The following INVS variants were observed in gnomAD, a reference collection of about 807,000 sequenced individuals.
INVS encodes inversin.
A neutral mutation model predicts 108.8 loss-of-function variants in INVS; 86 were observed. The observed-to-expected ratio is 0.79, with a 90% confidence interval of 0.66 to 0.95. INVS has a LOEUF of 0.95. Among genes scored for constraint, INVS ranks in the 40% least tolerant of loss-of-function variants. The pLI is 0.00. For missense variants in INVS, 1,169 were observed against 1,297.4 expected, an observed-to-expected ratio of 0.90 and a Z score of 1.52; for synonymous variants, 455 against 473.5, an observed-to-expected ratio of 0.96 and a Z score of 0.51.
At chr9:100,298,906 T>A (rs1178813366) in intron 16 of INVS, among the ~76,000 whole-genome samples, 1 of 152,216 alleles carries the variant, frequency 6.6e-6, no homozygotes, top group African/African-American at 2.4e-5. Flanking sequence ...CCTTTCATTA[T>A]ACCTGAGCAA....
At chr9:100,270,748 CAAAAAAAAA>C (rs746291227) in intron 11 of INVS, among the ~76,000 whole-genome samples, 21 of 47,210 alleles carry the variant, frequency 4.4e-4, no homozygotes, top group African/African-American at 1.6e-3. Flanking sequence ...AACTCCATCT[CAAAAAAAAA>C]AAAAAAAAAA....
intron 16 of INVS, among the ~76,000 whole-genome samples, chr9:100,299,600 ACCAC>A (rs1230411796): frequency 1.4e-5 from 2 of 142,176 alleles, no homozygotes; most frequent in Non-Finnish European, 3.1e-5. Context: ...AGCCTTGCAA[ACCAC>A]CCACCAAGAA....
chr9:100,232,011 T>G (rs946842273), intron 5 of INVS, among the ~76,000 whole-genome samples: 4 of 152,152 alleles, frequency 2.6e-5, no homozygotes, highest in African/African-American at 9.7e-5. Flanking sequence ...TTCTCCAGCA[T>G]CTGTTGTTTC....
At chr9:100,225,321 T>C (rs1319543893) in intron 3 of INVS, among the ~76,000 whole-genome samples, 3 of 150,012 alleles carry the variant, frequency 2.0e-5, no homozygotes, top group African/African-American at 7.6e-5. Flanking sequence ...GTGCTGGGGT[T>C]GCAGATGTGA....
At chr9:100,161,393 C>CAAAAA (rs1829182649) in intron 3 of INVS, among the ~76,000 whole-genome samples, 1 of 88,920 alleles carries the variant, frequency 1.1e-5, no homozygotes, top group African/African-American at 6.4e-5. Context: ...AAAAAAAAAA[C>CAAAAA]CTCATAAATT....
chr9:100,142,489 G>A (rs1473875918), intron 3 of INVS, among the ~76,000 whole-genome samples: 2 of 152,114 alleles, frequency 1.3e-5, no homozygotes, highest in African/African-American at 2.4e-5. Flanking sequence ...AGGAAATACG[G>A]GGAAATGGGG....
intron 10 of INVS, among the ~76,000 whole-genome samples, chr9:100,253,662 G>A (rs541271592): frequency 7.9e-5 from 12 of 152,202 alleles, no homozygotes; most frequent in African/African-American, 2.6e-4. Flanking sequence ...AGAACATGCG[G>A]TATTTGGTTT....
chr9:100,175,624 G>A lies in INVS; in HGVS notation c.273+49075G>A, dbSNP rs554801895. On this transcript the variant is annotated intron_variant, in intron 3 of 16. Coordinates refer to ENST00000262457, the MANE Select transcript of INVS (RefSeq NM_014425.5). ...CAGAAAAACAGCTGCCCAAAGAATA[G>A]CAATGGTGTGACTCCAAAGGCCTGA... 201 of 674,196 alleles carry A rather than the reference G, an allele frequency of 3.0e-4. No homozygotes were observed. The East Asian group carries it at 5.6e-3, about 19-fold the overall frequency. The allele number at this position is 674,196 out of a possible 1,614,324, so 41.8% of individuals were successfully genotyped here.
intron 3 of INVS, among the ~76,000 whole-genome samples, chr9:100,168,206 C>T (rs914465065): frequency 6.6e-6 from 1 of 151,912 alleles, no homozygotes; most frequent in African/African-American, 2.4e-5. Flanking sequence ...CATTTTTATC[C>T]CTTGGTGATA....
chr9:100,229,599 TA>T, intron 4 of INVS, 60 bp from the exon 5 acceptor site: 1 of 1,475,944 alleles, frequency 6.8e-7, no homozygotes, highest in Non-Finnish European at 9.5e-7. Flanking sequence ...TGTCCCACAA[TA>T]AAAGATTGGG....
chr9:100,139,925 G>A (rs1828368966), intron 3 of INVS, among the ~76,000 whole-genome samples: 1 of 152,188 alleles, frequency 6.6e-6, no homozygotes, highest in African/African-American at 2.4e-5. Context: ...TTACAGGCAT[G>A]AGCCACCGCA....
chr9:100,171,185 G>T (rs1177938019), intron 3 of INVS, among the ~76,000 whole-genome samples: 2 of 152,048 alleles, frequency 1.3e-5, no homozygotes, highest in African/African-American at 2.4e-5. Context: ...TACAATGGTG[G>T]TCCCATGAGC....
chr9:100,169,210 A>G (rs528789410), intron 3 of INVS, among the ~76,000 whole-genome samples: 31 of 152,226 alleles, frequency 2.0e-4, no homozygotes, highest in Non-Finnish European at 3.7e-4. Flanking sequence ...TGCATTGGCT[A>G]AATTACTTCT....
Position 100,240,172 on chromosome 9 carries a change from A to G in INVS, c.728A>G (p.Tyr243Cys), listed in dbSNP as rs961483859. 4.3e-6 allele frequency: 7 copies of G among 1,613,928 alleles called. No individual in the cohort carries two copies. The highest frequency in any genetic ancestry group is 5.9e-6 in the Non-Finnish European group (7 of 1,179,878). The change falls in exon 6 of 17, where the codon TAT (tyrosine) becomes TGT (cysteine). Residue 243 changes from tyrosine (Y) to cysteine (C), a missense_variant. Physicochemically the swap from Tyr to Cys is radical, Grantham distance 194. Transcript: ENST00000262457. ...ACCGTGGTTGATGTCTTGACCTCAT[A>G]TGAAAGCTGCAATATAACGTCTTAT... ...NVTVVDVLTS[Y>C]ESCNITSYDN...
At chr9:100,300,537 T>G (rs1833934456) in intron 16 of INVS, 31 bp from the exon 17 acceptor site, 1 of 1,375,930 alleles carries the variant, frequency 7.3e-7, no homozygotes, top group Non-Finnish European at 1.0e-6. Flanking sequence ...ATTAATAACC[T>G]TAATATCTAT....
chr9:100,116,172 C>T (rs1359260042), intron 2 of INVS, among the ~76,000 whole-genome samples: 3 of 150,286 alleles, frequency 2.0e-5, no homozygotes, highest in Non-Finnish European at 4.4e-5. Context: ...GGTGCAATCT[C>T]GGCTCCCTGC....
chr9:100,101,711 C>G (rs1826998811), intron 1 of INVS: 1 of 152,126 alleles, frequency 6.6e-6, no homozygotes, highest in Admixed American at 6.5e-5. Context: ...TCTCAGATCC[C>G]CAGGAGTAAC....
chr9:100,223,055 C>T (rs1407986183), intron 3 of INVS, among the ~76,000 whole-genome samples: 1 of 151,628 alleles, frequency 6.6e-6, no homozygotes. Context: ...TCTAATATAG[C>T]AACTGTAAAT....
At chr9:100,147,408 A>T (rs1250063213) in intron 3 of INVS, among the ~76,000 whole-genome samples, 1 of 152,254 alleles carries the variant, frequency 6.6e-6, no homozygotes, top group African/African-American at 2.4e-5. Flanking sequence ...CCTCAAGCAT[A>T]TGAAAATATG....
Sources: gnomAD v4.1 joint callset for allele counts (sites outside exome capture counted in the v4.1 genomes callset) on GRCh38, gnomAD v4.1.1 for gene constraint, MANE v1.5 for transcripts, NCBI Gene and HGNC (gene_info 2026-07-23, HGNC 2026-07-21) for gene names.